The following SLC10A7 variants were observed in gnomAD, a reference collection of about 807,000 sequenced individuals.
SLC10A7 encodes sodium/bile acid cotransporter 7.
Under a neutral mutation model 43.2 loss-of-function variants are expected in SLC10A7, and 29 were observed. That is an observed-to-expected ratio of 0.67 (90% confidence interval 0.50 to 0.92). SLC10A7 has a LOEUF of 0.92. Ranked by LOEUF, SLC10A7 falls within the 40% of genes least tolerant of loss-of-function variation. The pLI is 0.00. For missense variants in SLC10A7, 295 were observed against 403.2 expected, an observed-to-expected ratio of 0.73 and a Z score of 2.30; for synonymous variants, 152 against 144.8, an observed-to-expected ratio of 1.05 and a Z score of -0.35.
intron 9 of SLC10A7, among the ~76,000 whole-genome samples, chr4:146,285,704 T>C (rs1169693737): frequency 1.3e-5 from 2 of 152,354 alleles, no homozygotes; most frequent in South Asian, 2.1e-4. Context: ...GGAGGCTCAG[T>C]GAGCCTTGGG....
intron 5 of SLC10A7, among the ~76,000 whole-genome samples, chr4:146,364,891 C>T (rs1579000300): frequency 6.6e-6 from 1 of 151,922 alleles, no homozygotes; most frequent in Admixed American, 6.6e-5. Context: ...CATATGTACC[C>T]CATAAATATA....
intron 4 of SLC10A7, among the ~76,000 whole-genome samples, chr4:146,487,243 C>A (rs1734999834): frequency 6.6e-6 from 1 of 152,176 alleles, no homozygotes; most frequent in Non-Finnish European, 1.5e-5. Flanking sequence ...GACCCGTGAG[C>A]CTGACTCAAG....
chr4:146,380,661 C>T (rs180841685), intron 5 of SLC10A7, among the ~76,000 whole-genome samples: 92 of 152,116 alleles, frequency 6.0e-4, no homozygotes, highest in African/African-American at 1.9e-3. Flanking sequence ...GTAGGCGATC[C>T]ATTGAGACTT....
intron 5 of SLC10A7, among the ~76,000 whole-genome samples, chr4:146,425,580 C>T (rs1202990085): frequency 6.6e-6 from 1 of 152,120 alleles, no homozygotes; most frequent in Non-Finnish European, 1.5e-5. Context: ...TACTAATGTA[C>T]CTCCCTCTTC....
intron 4 of SLC10A7, among the ~76,000 whole-genome samples, chr4:146,480,318 T>C (rs1734362884): frequency 1.3e-5 from 2 of 152,136 alleles, no homozygotes; most frequent in Admixed American, 1.3e-4. Flanking sequence ...AATTATAACC[T>C]TATATATTTT....
At chr4:146,521,411 C>T (rs968601819) in intron 1 of SLC10A7, among the ~76,000 whole-genome samples, 1 of 152,206 alleles carries the variant, frequency 6.6e-6, no homozygotes, top group Non-Finnish European at 1.5e-5. Context: ...GAAAAGGCTA[C>T]CTGCCCTCAA....
At chr4:146,307,281 G>C (rs926258219) in intron 6 of SLC10A7, among the ~76,000 whole-genome samples, 1 of 152,114 alleles carries the variant, frequency 6.6e-6, no homozygotes, top group East Asian at 1.9e-4. Context: ...ACCACTGGCT[G>C]TCTATTTAAC....
intron 4 of SLC10A7, among the ~76,000 whole-genome samples, chr4:146,488,212 T>C (rs1289213686): frequency 1.3e-5 from 2 of 151,842 alleles, no homozygotes; most frequent in Non-Finnish European, 2.9e-5. Flanking sequence ...AAAGAAAATA[T>C]AGGTAAAAGC....
intron 3 of SLC10A7, among the ~76,000 whole-genome samples, chr4:146,506,047 C>T (rs1464239728): frequency 6.6e-6 from 1 of 152,134 alleles, no homozygotes; most frequent in Non-Finnish European, 1.5e-5. Context: ...CTCCCCTACC[C>T]CCAATACTAG....
chr4:146,351,663 C>T (rs1560824695), intron 5 of SLC10A7, among the ~76,000 whole-genome samples: 1 of 151,836 alleles, frequency 6.6e-6, no homozygotes, highest in Admixed American at 6.5e-5. Context: ...CAAAGGGAAG[C>T]CCATCAGACT....
chr4:146,436,854 A>G (rs1730256692), intron 5 of SLC10A7, among the ~76,000 whole-genome samples: 2 of 152,086 alleles, frequency 1.3e-5, no homozygotes, highest in Admixed American at 1.3e-4. Context: ...AATTTCAGTT[A>G]CCTTCTATTC....
chr4:146,401,019 T>A lies in SLC10A7; in HGVS notation c.435+41764A>T, dbSNP rs1739187385. On this transcript the variant is annotated intron_variant, in intron 5 of 11. Transcript: ENST00000335472. ...AGTAACAAAGTAAAAAATGAAGATATCAATGAAAGAAAAGAAACTGCAAAC... is the reference window on the plus strand; with the variant it reads ...AGTAACAAAGTAAAAAATGAAGATAACAATGAAAGAAAAGAAACTGCAAAC... 2.0e-5 allele frequency among the ~76,000 whole-genome samples: 3 copies of A among 151,970 alleles called. No individual in the cohort carries two copies. In the South Asian group the frequency reaches 6.2e-4, roughly 32 times the overall value.
At chr4:146,318,703 G>A (rs1190964736) in intron 6 of SLC10A7, among the ~76,000 whole-genome samples, 1 of 151,966 alleles carries the variant, frequency 6.6e-6, no homozygotes, top group Non-Finnish European at 1.5e-5. Flanking sequence ...TCTCTACTTA[G>A]ATGTCTGAAA....
At chr4:146,487,405 C>T (rs978709670) in intron 4 of SLC10A7, among the ~76,000 whole-genome samples, 19 of 152,268 alleles carry the variant, frequency 1.2e-4, no homozygotes, top group African/African-American at 4.6e-4. Flanking sequence ...CTCCCCACTC[C>T]TCAGAATTTT....
At chr4:146,404,272 G>A (rs150562447) in intron 5 of SLC10A7, among the ~76,000 whole-genome samples, 48 of 152,144 alleles carry the variant, frequency 3.2e-4, no homozygotes, top group Non-Finnish European at 6.0e-4. Flanking sequence ...CAATTGCCTC[G>A]GCCGCCCAAA....
chr4:146,488,675 C>T (rs547226456), intron 4 of SLC10A7, among the ~76,000 whole-genome samples: 1 of 152,256 alleles, frequency 6.6e-6, no homozygotes, highest in African/African-American at 2.4e-5. Context: ...TATTTCCTTC[C>T]AGGCATTATG....
intron 4 of SLC10A7, among the ~76,000 whole-genome samples, chr4:146,479,927 A>C (rs1225872981): frequency 6.6e-6 from 1 of 152,168 alleles, no homozygotes; most frequent in Non-Finnish European, 1.5e-5. Flanking sequence ...AAAAACATTC[A>C]ACATTCAAAA....
intron 5 of SLC10A7, among the ~76,000 whole-genome samples, chr4:146,436,001 T>C (rs1359957313): frequency 1.3e-5 from 2 of 151,612 alleles, no homozygotes; most frequent in Non-Finnish European, 2.9e-5. Context: ...AATTGGCTAG[T>C]TCTACACCAG....
chr4:146,319,563 G>T (rs1732553734), intron 6 of SLC10A7, among the ~76,000 whole-genome samples: 1 of 152,000 alleles, frequency 6.6e-6, no homozygotes, highest in Admixed American at 6.6e-5. Flanking sequence ...TGTTTTGAGA[G>T]CAAAGACACA....
Sources: allele counts gnomAD v4.1 joint callset (sites outside exome capture counted in the v4.1 genomes callset), GRCh38; gene constraint gnomAD v4.1.1; transcripts MANE v1.5; gene names NCBI Gene and HGNC (gene_info 2026-07-23, HGNC 2026-07-21).